The following PPP2R5C variants were observed in gnomAD, a reference collection of about 807,000 sequenced individuals.
The protein encoded by PPP2R5C is serine/threonine-protein phosphatase 2A 56 kDa regulatory subunit gamma isoform.
Under a neutral mutation model 68.9 loss-of-function variants are expected in PPP2R5C, and 7 were observed. That is an observed-to-expected ratio of 0.10 (90% CI 0.06 to 0.19). The LOEUF is 0.19. Ranked by LOEUF, PPP2R5C falls within the 10% of genes least tolerant of loss-of-function variation. The probability of loss-of-function intolerance (pLI) is 1.00; values close to 1 mark genes in which losing one functional copy is unlikely to be tolerated. For missense variants in PPP2R5C, 348 were observed against 641.3 expected, an observed-to-expected ratio of 0.54 and a Z score of 4.94; for synonymous variants, 210 against 222.2, an observed-to-expected ratio of 0.95 and a Z score of 0.49.
intron 1 of PPP2R5C, among the ~76,000 whole-genome samples, chr14:101,816,914 TATATATTTATATA>T (rs2039742713): frequency 7.1e-6 from 1 of 141,034 alleles, no homozygotes; most frequent in Non-Finnish European, 1.5e-5. Flanking sequence ...ATATATAATA[TATATATTTATATA>T]ATATATATAA....
At chr14:101,910,645 A>C in intron 11 of PPP2R5C, among the ~76,000 whole-genome samples, 1 of 151,902 alleles carries the variant, frequency 6.6e-6, no homozygotes. Context: ...ATGCTGGCTA[A>C]CACGGTGAAA....
chr14:101,774,531 G>T (rs1205996857), intron 2 of PPP2R5C, among the ~76,000 whole-genome samples: 1 of 152,170 alleles, frequency 6.6e-6, no homozygotes, highest in Non-Finnish European at 1.5e-5. Flanking sequence ...GGCCTCGGGG[G>T]GATTCTGTAG....
At chr14:101,887,934 ATC>A (rs1458175415) in intron 5 of PPP2R5C, among the ~76,000 whole-genome samples, 4 of 152,118 alleles carry the variant, frequency 2.6e-5, no homozygotes, top group Admixed American at 6.5e-5. Context: ...GCTCCCAGGG[ATC>A]TCTGTTTCCC....
chr14:101,909,799 A>C, intron 11 of PPP2R5C, 109 bp downstream of exon 13: 1 of 679,872 alleles, frequency 1.5e-6, no homozygotes. Flanking sequence ...CGAAAGCAAA[A>C]CCAAGCCTTT....
At position 101,855,320 on chromosome 14, in the gene PPP2R5C, A is replaced by C. The variant is rs1746588; in HGVS notation, c.95-1366A>C. ...GATTCCCCTGTCCGCTTCTGCATTC[A>C]GTCTGTTGCCATATGTTGCTTTGGT... On this transcript the variant is annotated intron_variant, in intron 1 of 13. Transcript: ENST00000334743. Among the ~76,000 whole-genome samples, 439 of 152,242 alleles carry C rather than the reference A, an allele frequency of 2.9e-3. 5 individuals carry two copies. Among genetic ancestry groups the C allele is most frequent in the Middle Eastern group, 0.014 (4 of 294 alleles).
intron 2 of PPP2R5C, among the ~76,000 whole-genome samples, chr14:101,878,724 C>A (rs753417967): frequency 7.9e-5 from 12 of 152,334 alleles, no homozygotes; most frequent in Non-Finnish European, 1.8e-4. Context: ...CAGTTTGGGT[C>A]TCACAGGCCT....
chr14:101,873,298 T>C (rs574532171), intron 2 of PPP2R5C, among the ~76,000 whole-genome samples: 6 of 152,370 alleles, frequency 3.9e-5, no homozygotes, highest in Admixed American at 3.9e-4. Flanking sequence ...TGTCTGGTAA[T>C]TTTTAATTGG....
chr14:101,860,169 T>C (rs897548121), intron 2 of PPP2R5C, among the ~76,000 whole-genome samples: 1 of 152,214 alleles, frequency 6.6e-6, no homozygotes, highest in Non-Finnish European at 1.5e-5. Context: ...AGAAATCCTG[T>C]ACTCATTAAT....
intron 3 of PPP2R5C, among the ~76,000 whole-genome samples, chr14:101,794,058 G>A (rs1033882868): frequency 2.6e-5 from 4 of 152,186 alleles, no homozygotes; most frequent in Non-Finnish European, 4.4e-5. Flanking sequence ...CAAGCCATGG[G>A]TGGTTTTGGA....
Position 101,906,853 on chromosome 14 carries a change from C to T in PPP2R5C, c.1151+324C>T, listed in dbSNP as rs1038060040. On this transcript the variant is annotated intron_variant, in intron 10 of 13. Transcript: ENST00000334743. The surrounding 1 kb of genome is among the most constrained non-coding windows in gnomAD (Gnocchi z 4.0). Reference sequence around the variant, plus strand: ...AGAGCCCAGTGGGGCTCAGCCCCGGCGGGGGCACAGTGGCCACTGCATTCT... The same window carrying T: ...AGAGCCCAGTGGGGCTCAGCCCCGGTGGGGGCACAGTGGCCACTGCATTCT... 3.3e-5 allele frequency among the ~76,000 whole-genome samples: 5 copies of T among 152,060 alleles called. No homozygotes were observed. The highest frequency in any genetic ancestry group is 2.0e-4 in the Admixed American group (3 of 15,264).
chr14:101,919,933 C>G (rs910576295), intron 13 of PPP2R5C, among the ~76,000 whole-genome samples: 6 of 121,958 alleles, frequency 4.9e-5, no homozygotes, highest in African/African-American at 2.2e-4. Flanking sequence ...GGTGCCACTG[C>G]ACTCCAGCCT....
rs150021144 is a variant in PPP2R5C at position 101,903,576 on chromosome 14, C to T, written c.1023+1687C>T. 2.4e-4 allele frequency among the ~76,000 whole-genome samples: 37 copies of T among 152,360 alleles called. No homozygotes were observed. The East Asian group carries it at 6.0e-3, about 25-fold the overall frequency. ...CGTCTGTGTCCCCCACGCACGCTTG[C>T]GCCCATCTTGGCTTCTGCTTCTTAG... is the stretch of plus-strand genomic sequence containing the variant. On this transcript the variant is annotated intron_variant, in intron 9 of 13. Coordinates refer to ENST00000334743, the Ensembl canonical transcript of PPP2R5C.
intron 1 of PPP2R5C, among the ~76,000 whole-genome samples, chr14:101,841,606 G>A (rs968066123): frequency 4.6e-5 from 7 of 152,234 alleles, no homozygotes; most frequent in South Asian, 2.1e-4. Context: ...GAGGTGGGGC[G>A]AGGAAAGGGG....
chr14:101,914,264 T>C (rs2046540633), intron 12 of PPP2R5C: 5 of 450,146 alleles, frequency 1.1e-5, no homozygotes, highest in South Asian at 7.9e-5. Context: ...TGACGCCATC[T>C]GTGACGCAGT....
chr14:101,815,889 C>T (rs752653976), intron 1 of PPP2R5C, among the ~76,000 whole-genome samples: 1 of 152,140 alleles, frequency 6.6e-6, no homozygotes, highest in Admixed American at 6.5e-5. Context: ...AGGCTGCTCT[C>T]GAACTCCTGA....
chr14:101,914,245 T>C (rs2046539541), intron 12 of PPP2R5C: 13 of 454,380 alleles, frequency 2.9e-5, no homozygotes, highest in South Asian at 1.9e-4. Flanking sequence ...CTTGTCCTCA[T>C]GTCTGTGTTG....
At chr14:101,775,042 G>A (rs575558944) in intron 2 of PPP2R5C, among the ~76,000 whole-genome samples, 49 of 152,270 alleles carry the variant, frequency 3.2e-4, no homozygotes, top group Non-Finnish European at 5.1e-4. Flanking sequence ...TCCCAGCCGC[G>A]GCCTACTGGA....
At chr14:101,872,722 T>C (rs569298566) in intron 2 of PPP2R5C, among the ~76,000 whole-genome samples, 1 of 152,338 alleles carries the variant, frequency 6.6e-6, no homozygotes, top group South Asian at 2.1e-4. Flanking sequence ...GTTGTCTCTT[T>C]TTAAGTCATT....
intron 1 of PPP2R5C, chr14:101,843,348 T>TAG (rs1244585515): frequency 5.5e-6 from 1 of 181,356 alleles, no homozygotes; most frequent in African/African-American, 2.4e-5. Flanking sequence ...TATCAACTGT[T>TAG]AGAGATACGA....
Sources: gnomAD v4.1 joint callset for allele counts (sites outside exome capture counted in the v4.1 genomes callset) on GRCh38, gnomAD v4.1.1 for gene constraint, Gnocchi (gnomAD v3.1) non-coding constraint, MANE v1.5 for transcripts, NCBI Gene and HGNC (gene_info 2026-07-23, HGNC 2026-07-21) for gene names.